Variants in CACNA1I observed in about 807,000 individuals in gnomAD.
CACNA1I encodes voltage-dependent T-type calcium channel subunit alpha-1I.
A neutral mutation model predicts 201.6 loss-of-function variants in CACNA1I; 74 were observed. That is an observed-to-expected ratio of 0.37 (90% CI 0.30 to 0.45). The LOEUF (loss-of-function observed/expected upper bound fraction) is 0.45, where lower values mean the gene tolerates loss of function less well. Ranked by LOEUF, CACNA1I falls within the 20% of genes least tolerant of loss-of-function variation. CACNA1I has a pLI of 1.00. For missense variants in CACNA1I, 2,346 were observed against 3,138.1 expected, an observed-to-expected ratio of 0.75 and a Z score of 6.03; for synonymous variants, 1,431 against 1,345.2, an observed-to-expected ratio of 1.06 and a Z score of -1.40.
At chr22:39,610,124 G>T (rs1376590377) in intron 3 of CACNA1I, among the ~76,000 whole-genome samples, 2 of 152,116 alleles carry the variant, frequency 1.3e-5, no homozygotes, top group Non-Finnish European at 2.9e-5. Context: ...GAAGCCCAGG[G>T]GACCCTTCTG....
At chr22:39,605,350 G>T (rs1272456057) in intron 3 of CACNA1I, among the ~76,000 whole-genome samples, 1 of 152,164 alleles carries the variant, frequency 6.6e-6, no homozygotes, top group Non-Finnish European at 1.5e-5. Context: ...GGCTGCCCCT[G>T]CAGGGAGCAC....
At chr22:39,652,235 A>G (rs1254528803) in intron 10 of CACNA1I, among the ~76,000 whole-genome samples, 1 of 152,116 alleles carries the variant, frequency 6.6e-6, no homozygotes, top group Non-Finnish European at 1.5e-5. Context: ...ACCTCAGGTG[A>G]TCTGCCTGTC....
At chr22:39,609,380 C>A (rs1933315582) in intron 3 of CACNA1I, among the ~76,000 whole-genome samples, 1 of 152,260 alleles carries the variant, frequency 6.6e-6, no homozygotes, top group African/African-American at 2.4e-5. Flanking sequence ...ACCCAACCAA[C>A]TGTGGCTCAG....
intron 3 of CACNA1I, among the ~76,000 whole-genome samples, chr22:39,616,112 T>C (rs1315146699): frequency 2.6e-5 from 4 of 152,158 alleles, no homozygotes; most frequent in Non-Finnish European, 5.9e-5. Flanking sequence ...CAGAGGGTCA[T>C]GTATGGCGTG....
intron 1 of CACNA1I, among the ~76,000 whole-genome samples, chr22:39,580,875 C>T (rs987905881): frequency 3.9e-5 from 6 of 152,200 alleles, no homozygotes; most frequent in East Asian, 1.9e-4. Flanking sequence ...CCCATTCATT[C>T]GACAAGTGTT....
rs931942362 is a variant in CACNA1I at position 39,648,256 on chromosome 22, C to T, written c.1567+330C>T. On this transcript the variant is annotated intron_variant, in intron 9 of 36. Coordinates refer to ENST00000402142, the MANE Select transcript of CACNA1I (RefSeq NM_021096.4). This position sits in a 1 kb window ranked among gnomAD's most constrained non-coding sequence, Gnocchi z 5.4. ...GGTGCCAGCCATCCAGGCGTGGGCT[C>T]GGAGGAGGCCCCAGGTGGCCCGTGG... Among the ~76,000 whole-genome samples, 30 of 152,018 alleles carry T rather than the reference C, an allele frequency of 2.0e-4. No homozygotes were observed. Among genetic ancestry groups the T allele is most frequent in the African/African-American group, 6.0e-4 (25 of 41,394 alleles).
chr22:39,620,329 A>G (rs1218503146), intron 4 of CACNA1I, among the ~76,000 whole-genome samples: 1 of 151,194 alleles, frequency 6.6e-6, no homozygotes, highest in Non-Finnish European at 1.5e-5. Context: ...CCATTTGTCC[A>G]TTCATTCATC....
At chr22:39,608,116 CAAAA>C (rs147887508) in intron 3 of CACNA1I, among the ~76,000 whole-genome samples, 50 of 106,652 alleles carry the variant, frequency 4.7e-4, no homozygotes, top group East Asian at 1.1e-3. Context: ...ACTCCATCTC[CAAAA>C]AAAAAAAAAA....
Position 39,666,697 on chromosome 22 carries a change from A to G in CACNA1I, c.4104+691A>G, listed in dbSNP as rs1443173054. Among the ~76,000 whole-genome samples the G allele has an allele frequency of 6.6e-6, 1 of 152,188 alleles. No homozygotes were observed. The highest frequency in any genetic ancestry group is 2.4e-5 in the African/African-American group (1 of 41,444). On this transcript the variant is annotated intron_variant, in intron 23 of 36. Coordinates refer to ENST00000402142, the MANE Select transcript of CACNA1I (RefSeq NM_021096.4). This position sits in a 1 kb window ranked among gnomAD's most constrained non-coding sequence, Gnocchi z 4.1. ...AGGCGTGCCTTGCCCCAGGGCACAC[A>G]GGGAGGAGCAGGCTCCAGGCCCTCG...
At position 39,677,413 on chromosome 22, in the gene CACNA1I, A is replaced by G; in HGVS notation, c.4927A>G (p.Lys1643Glu). The change falls in exon 30 of 37, where the codon AAG becomes GAG. Residue 1643 changes from lysine (K) to glutamate (E), a missense_variant. Physicochemically the swap from Lys to Glu is moderately conservative, Grantham distance 56. Around this residue, in one of 13 missense-constraint regions of CACNA1I, gnomAD observed 50 missense variants for 43.6 expected, o/e 1.15. Coordinates refer to ENST00000402142, the MANE Select transcript of CACNA1I (RefSeq NM_021096.4). This position sits in a 1 kb window ranked among gnomAD's most constrained non-coding sequence, Gnocchi z 4.8. ...YAALGVELFGKLVCNDENPCE... is the reference protein window; with the variant it reads ...YAALGVELFGELVCNDENPCE... ...TGCTCTCGGGGTGGAGCTCTTTGGG[A>G]AGCTGGGTGAGTGACTCCCAGAGCA... The G allele has an allele frequency of 1.3e-6, 2 of 1,574,914 alleles. No homozygotes were observed.
chr22:39,669,101 G>T (rs1219061785), intron 24 of CACNA1I, among the ~76,000 whole-genome samples: 1 of 152,138 alleles, frequency 6.6e-6, no homozygotes, highest in African/African-American at 2.4e-5. Context: ...GCTGACCAAG[G>T]TTGGCTGTGT....
At chr22:39,609,667 C>T (rs1476610099) in intron 3 of CACNA1I, among the ~76,000 whole-genome samples, 1 of 152,122 alleles carries the variant, frequency 6.6e-6, no homozygotes, top group African/African-American at 2.4e-5. Context: ...CTGATGGACA[C>T]CTGAGTGGCA....
chr22:39,583,122 A>T (rs1253512485), intron 1 of CACNA1I, among the ~76,000 whole-genome samples: 2 of 70,850 alleles, frequency 2.8e-5, no homozygotes, highest in African/African-American at 1.0e-4. Flanking sequence ...CCATCCATGC[A>T]TGCATCCATC....
At chr22:39,575,138 T>C (rs1932303709) in intron 1 of CACNA1I, among the ~76,000 whole-genome samples, 1 of 152,272 alleles carries the variant, frequency 6.6e-6, no homozygotes, top group Non-Finnish European at 1.5e-5. Context: ...CTGCAAGGCC[T>C]CTGGATTCGA....
chr22:39,630,178 A>T (rs1017689552), intron 4 of CACNA1I, among the ~76,000 whole-genome samples: 1 of 151,892 alleles, frequency 6.6e-6, no homozygotes, highest in Non-Finnish European at 1.5e-5. Context: ...TCTGCTCAGC[A>T]TCATCCTGCC....
Position 39,658,324 on chromosome 22 carries a change from C to A in CACNA1I, c.2144+21C>A, listed in dbSNP as rs750321972. ...ATCAGGTACCCCTCCCCCAACCCACCCGGCAGCAGAGTGCCTCGGGGGGAC... is the reference window on the plus strand; with the variant it reads ...ATCAGGTACCCCTCCCCCAACCCACACGGCAGCAGAGTGCCTCGGGGGGAC... On this transcript the variant is annotated intron_variant, in intron 11 of 36. Transcript: ENST00000402142. 17 of 1,610,348 alleles carry A rather than the reference C, an allele frequency of 1.1e-5. 1 individual carries two copies. In the African/African-American group the frequency reaches 2.0e-4, roughly 19 times the overall value.
chr22:39,670,729 CCTT>C (rs1340274594), intron 25 of CACNA1I, 71 bp from the exon 26 acceptor site: 12 of 1,449,830 alleles, frequency 8.3e-6, no homozygotes, highest in Non-Finnish European at 1.1e-5. Flanking sequence ...ACCTTTCTGT[CCTT>C]TGTGCTCTGT....
At chr22:39,614,524 A>G (rs1295734538) in intron 3 of CACNA1I, among the ~76,000 whole-genome samples, 1 of 152,218 alleles carries the variant, frequency 6.6e-6, no homozygotes, top group African/African-American at 2.4e-5. Flanking sequence ...CCGGGTTTGC[A>G]GGCTGCTGCT....
At position 39,664,880 on chromosome 22, in the gene CACNA1I, G is replaced by A. The variant is rs775862143; in HGVS notation, c.3808G>A (p.Val1270Ile). The change falls in exon 21 of 37, where the codon GTC (valine) becomes ATC (isoleucine). Residue 1270 changes from valine (V) to isoleucine (I), a missense_variant. By Grantham distance (29) the Val-to-Ile change is conservative (BLOSUM62 3). Coordinates refer to ENST00000402142, the MANE Select transcript of CACNA1I (RefSeq NM_021096.4). ...ASAGGAKILGVLRVLRLLRTL... is the reference protein window; with the variant it reads ...ASAGGAKILGILRVLRLLRTL... The stretch of plus-strand genomic sequence containing the variant: ...AGCCGGGGGAGCCAAGATCTTGGGG[G>A]TCCTCCGAGTCTTGCGGCTCCTGCG... 6.2e-7 allele frequency: 1 copy of A among 1,612,974 alleles called. No individual in the cohort carries two copies. The highest frequency in any genetic ancestry group is 8.5e-7 in the Non-Finnish European group (1 of 1,179,840).
Sources: allele counts gnomAD v4.1 joint callset (sites outside exome capture counted in the v4.1 genomes callset), GRCh38; gene constraint gnomAD v4.1.1; regional missense constraint gnomAD v4.1.1; non-coding constraint Gnocchi (gnomAD v3.1); transcripts MANE v1.5; gene names NCBI Gene and HGNC (gene_info 2026-07-23, HGNC 2026-07-21).